The following PIEZO2 variants were observed in gnomAD, a reference collection of about 807,000 sequenced individuals.
The protein encoded by PIEZO2 is piezo type mechanosensitive ion channel component 2.
PIEZO2 carries 172 observed loss-of-function variants against 337.3 expected under a neutral mutation model. The ratio of observed to expected loss-of-function variants is 0.51; its 90% CI spans 0.45 to 0.58. The LOEUF (loss-of-function observed/expected upper bound fraction) is 0.58. Ranked by LOEUF, PIEZO2 falls within the 20% of genes least tolerant of loss-of-function variation. The pLI is 0.00. For missense variants in PIEZO2, 3,028 were observed against 3,391.3 expected, an observed-to-expected ratio of 0.89 and a Z score of 2.66; for synonymous variants, 1,251 against 1,228.5, an observed-to-expected ratio of 1.02 and a Z score of -0.38.
chr18:10,760,043 A>G (rs2038061758), intron 24 of PIEZO2, 134 bp from the exon 25 acceptor site: 24 of 760,900 alleles, frequency 3.2e-5, no homozygotes, highest in Non-Finnish European at 5.1e-5. Context: ...AGATTCACAA[A>G]TGCTTGCTCT....
intron 1 of PIEZO2, among the ~76,000 whole-genome samples, chr18:11,122,586 G>C (rs1200767347): frequency 2.6e-5 from 4 of 152,016 alleles, no homozygotes. Flanking sequence ...AAAAACCGAA[G>C]TTCTGAAATG....
intron 18 of PIEZO2, among the ~76,000 whole-genome samples, chr18:10,774,885 A>C: frequency 6.6e-6 from 1 of 152,372 alleles, no homozygotes; most frequent in East Asian, 1.9e-4. Flanking sequence ...GTAGGTTCTG[A>C]GTAAACTATT....
intron 12 of PIEZO2, among the ~76,000 whole-genome samples, chr18:10,796,462 G>A (rs905092764): frequency 3.3e-5 from 5 of 151,750 alleles, no homozygotes; most frequent in African/African-American, 7.3e-5. Flanking sequence ...TATCTGAAAC[G>A]AATAAAAGTA....
intron 1 of PIEZO2, among the ~76,000 whole-genome samples, chr18:11,119,448 A>T (rs2039975806): frequency 6.6e-6 from 1 of 152,210 alleles, no homozygotes; most frequent in Non-Finnish European, 1.5e-5. Context: ...AAATACTTGC[A>T]TTTGATTAAA....
chr18:10,946,498 G>A (rs946707563), intron 3 of PIEZO2, among the ~76,000 whole-genome samples: 2 of 152,186 alleles, frequency 1.3e-5, no homozygotes, highest in Non-Finnish European at 2.9e-5. Flanking sequence ...TAACAGGGTT[G>A]AGCAAGGAGC....
rs1330968266 is a variant in PIEZO2 at position 10,724,784 on chromosome 18, C to T, written c.5030-6525G>A. ...CCCGTGGCTCTGGCAGTCCCCCCAG[C>T]ACTGCAGCCCCAGCCTGAGCAGCAG... On this transcript the variant is annotated intron_variant, in intron 36 of 55. Transcript: ENST00000674853. This position sits in a 1 kb window ranked among gnomAD's most constrained non-coding sequence, Gnocchi z 5.8. The T allele has an allele frequency of 1.6e-5, 25 of 1,580,530 alleles. No individual in the cohort carries two copies. The highest frequency in any genetic ancestry group is 1.6e-4 in the East Asian group (7 of 44,470).
At chr18:10,965,522 A>T (rs1317108297) in intron 3 of PIEZO2, among the ~76,000 whole-genome samples, 1 of 152,210 alleles carries the variant, frequency 6.6e-6, no homozygotes, top group African/African-American at 2.4e-5. Flanking sequence ...TTTAAAAAAC[A>T]TCTGTCTATC....
chr18:10,790,335 C>G (rs1408519016), intron 14 of PIEZO2, among the ~76,000 whole-genome samples: 2 of 152,166 alleles, frequency 1.3e-5, no homozygotes, highest in African/African-American at 4.8e-5. Context: ...GTGACCAGCC[C>G]AGCTTCTGTG....
intron 7 of PIEZO2, among the ~76,000 whole-genome samples, chr18:10,839,117 A>G (rs566087667): frequency 6.6e-6 from 1 of 152,308 alleles, no homozygotes; most frequent in South Asian, 2.1e-4. Context: ...GGCATCTGCT[A>G]TTGTTTCTAG....
chr18:10,822,881 A>T lies in PIEZO2; in HGVS notation c.918-15607T>A, dbSNP rs535132776. Among the ~76,000 whole-genome samples, 3 of 152,346 alleles carry T rather than the reference A, an allele frequency of 2.0e-5. No homozygotes were observed. In the East Asian group the frequency reaches 5.8e-4, roughly 29 times the overall value. ...TCATAAATTAAACTTGGAAATTAAC[A>T]TTTATATCTAACCCAGAAAAATCAG... On this transcript the variant is annotated intron_variant, in intron 7 of 55. Transcript: ENST00000674853.
At chr18:11,011,580 T>C (rs1055185850) in intron 2 of PIEZO2, among the ~76,000 whole-genome samples, 1 of 152,232 alleles carries the variant, frequency 6.6e-6, no homozygotes, top group African/African-American at 2.4e-5. Flanking sequence ...TAAATAGAAT[T>C]GAGTAGAATC....
intron 3 of PIEZO2, among the ~76,000 whole-genome samples, chr18:10,934,964 C>T (rs745813623): frequency 6.6e-6 from 1 of 152,100 alleles, no homozygotes; most frequent in Admixed American, 6.6e-5. Flanking sequence ...TTAACTGACT[C>T]GCCCAGGATC....
At chr18:11,074,273 TTTCTTGGTGGA>T (rs1312391650) in intron 1 of PIEZO2, among the ~76,000 whole-genome samples, 1 of 152,166 alleles carries the variant, frequency 6.6e-6, no homozygotes, top group Admixed American at 6.5e-5. Context: ...ATACCCCACC[TTTCTTGGTGGA>T]TTCTCAGGGA....
At chr18:11,145,675 A>G (rs1398944289) in intron 1 of PIEZO2, among the ~76,000 whole-genome samples, 1 of 152,236 alleles carries the variant, frequency 6.6e-6, no homozygotes, top group African/African-American at 2.4e-5. Context: ...GAACCCTCCA[A>G]TAACCTTGGA....
chr18:11,112,965 G>C lies in PIEZO2; in HGVS notation c.64+35560C>G, dbSNP rs1003597838. Among the ~76,000 whole-genome samples, 2 of 152,202 alleles carry C rather than the reference G, an allele frequency of 1.3e-5. No individual in the cohort carries two copies. The highest frequency in any genetic ancestry group is 4.8e-5 in the African/African-American group (2 of 41,446). ...CTGCTCTCTAGATTCAGACCTACAG[G>C]ATAAAGGTCCTGGTGTGTTTATTAT... On this transcript the variant is annotated intron_variant, in intron 1 of 55. Transcript: ENST00000674853. The surrounding 1 kb of genome is among the most constrained non-coding windows in gnomAD (Gnocchi z 4.3).
chr18:10,934,232 A>G (rs1346606727), intron 3 of PIEZO2, among the ~76,000 whole-genome samples: 1 of 152,226 alleles, frequency 6.6e-6, no homozygotes, highest in Non-Finnish European at 1.5e-5. Context: ...ATGTTCTAAA[A>G]ACTATGGAGG....
At chr18:10,728,387 C>A (rs544327173) in intron 36 of PIEZO2, 1 of 152,278 alleles carries the variant, frequency 6.6e-6, no homozygotes, top group Non-Finnish European at 1.5e-5. Flanking sequence ...TCTTCCTAAC[C>A]TTTGCTAAGC....
At chr18:10,926,284 T>A (rs12957425) in intron 3 of PIEZO2, among the ~76,000 whole-genome samples, 34 of 152,270 alleles carry the variant, frequency 2.2e-4, no homozygotes, top group African/African-American at 7.7e-4. Flanking sequence ...TTCAGCGGCG[T>A]CACGTTCACA....
At chr18:10,936,535 G>A (rs76763467) in intron 3 of PIEZO2, among the ~76,000 whole-genome samples, 1,786 of 152,246 alleles carry the variant, frequency 0.012, 36 homozygotes, top group African/African-American at 0.041. Flanking sequence ...GCCTACCACT[G>A]TCCCTTTATT....
Sources: gnomAD v4.1 joint callset for allele counts (sites outside exome capture counted in the v4.1 genomes callset) on GRCh38, gnomAD v4.1.1 for gene constraint, Gnocchi (gnomAD v3.1) non-coding constraint, MANE v1.5 for transcripts, NCBI Gene and HGNC (gene_info 2026-07-23, HGNC 2026-07-21) for gene names.